PTPRM: variants seen among roughly 807,000 people sequenced by gnomAD.
PTPRM encodes the protein protein tyrosine phosphatase receptor type M, also known as receptor-type tyrosine-protein phosphatase mu.
Under a neutral mutation model 186.7 loss-of-function variants are expected in PTPRM, and 47 were observed. The observed-to-expected ratio is 0.25, with a 90% CI of 0.20 to 0.32. The LOEUF (loss-of-function observed/expected upper bound fraction) is 0.32. Among genes scored for constraint, PTPRM ranks in the 10% least tolerant of loss-of-function variants. The pLI is 1.00. For missense variants in PTPRM, 1,494 were observed against 1,865.0 expected (o/e 0.80, Z 3.66); for synonymous variants, 668 against 674.9 (o/e 0.99, Z 0.16).
Position 8,406,243 on chromosome 18 carries a change from G to T in PTPRM, c.*81G>T. ...ATGGTATTTGTGCAAAAGAGATGAA[G>T]ACTTCTCAATATGCTTATTTTGCTT... is the stretch of plus-strand genomic sequence containing the variant. On this transcript the variant is annotated 3_prime_UTR_variant, in exon 33 of 33. Coordinates refer to ENST00000580170, the MANE Select transcript of PTPRM (RefSeq NM_001105244.2). 1 of 1,322,356 alleles carries T rather than the reference G, an allele frequency of 7.6e-7. No homozygotes were observed. The highest frequency in any genetic ancestry group is 1.5e-5 in the African/African-American group (1 of 68,028). 81.9% of individuals were successfully genotyped at this position (1,322,356 alleles called of 1,614,324 possible). A position where few individuals can be genotyped will look rare whatever the true frequency, so the allele number is the denominator to read the frequency against.
intron 7 of PTPRM, among the ~76,000 whole-genome samples, chr18:8,024,915 C>T (rs2085474123): frequency 1.3e-5 from 2 of 151,992 alleles, no homozygotes; most frequent in Non-Finnish European, 2.9e-5. Flanking sequence ...AACTCCTGGA[C>T]TCAACCCATC....
intron 14 of PTPRM, among the ~76,000 whole-genome samples, chr18:8,153,749 C>T (rs1234083429): frequency 6.6e-6 from 1 of 152,144 alleles, no homozygotes; most frequent in Non-Finnish European, 1.5e-5. Flanking sequence ...TAAAGCATAA[C>T]ATTAATCATA....
chr18:8,074,770 T>C (rs1326693867), intron 8 of PTPRM, among the ~76,000 whole-genome samples: 2 of 152,196 alleles, frequency 1.3e-5, no homozygotes, highest in Non-Finnish European at 2.9e-5. Context: ...TATTATTGGG[T>C]TTTAATATTG....
chr18:7,932,657 CAGATTTA>C (rs1211101506), intron 5 of PTPRM, among the ~76,000 whole-genome samples: 78 of 152,196 alleles, frequency 5.1e-4, no homozygotes, highest in African/African-American at 1.8e-3. Flanking sequence ...CTGATAGTCT[CAGATTTA>C]CTGTGATTTA....
chr18:8,079,463 CA>C (rs1336414315), intron 9 of PTPRM, among the ~76,000 whole-genome samples: 3 of 152,138 alleles, frequency 2.0e-5, no homozygotes, highest in Non-Finnish European at 4.4e-5. Context: ...TTTTACTTTT[CA>C]AATGTAACTA....
chr18:7,991,412 C>T (rs1376135638), intron 7 of PTPRM, among the ~76,000 whole-genome samples: 1 of 151,846 alleles, frequency 6.6e-6, no homozygotes, highest in Non-Finnish European at 1.5e-5. Context: ...AGAAGGAAAG[C>T]TAAAAGAAGG....
intron 2 of PTPRM, among the ~76,000 whole-genome samples, chr18:7,792,644 CAA>C (rs1204500961): frequency 2.0e-5 from 3 of 152,008 alleles, no homozygotes; most frequent in East Asian, 3.9e-4. Context: ...TTTAAATTAA[CAA>C]AAGTGTTTTT....
In PTPRM at chr18:7,567,869, T is replaced by A. The variant is rs1026804595; in HGVS notation, c.51T>A (p.Thr17=). 3 of 1,561,362 alleles carry A rather than the reference T, an allele frequency of 1.9e-6. No individual in the cohort carries two copies. The African/African-American group carries it at 4.3e-5, about 22-fold the overall frequency. ...CGACTTTGGCCGGACTTTTGCTAAC[T>A]GCGGCGGGCGAGACGTTCTCAGGTA... ...CLATLAGLLL[T]AAGETFSGGC... The change falls in exon 1 of 33, where the codon ACT becomes ACA. Residue 17 remains threonine (T), a synonymous_variant. Transcript: ENST00000580170. This position sits in a 1 kb window ranked among gnomAD's most constrained non-coding sequence, Gnocchi z 4.3.
chr18:7,852,935 A>G (rs1376640634), intron 2 of PTPRM, among the ~76,000 whole-genome samples: 2 of 152,218 alleles, frequency 1.3e-5, no homozygotes, highest in Non-Finnish European at 2.9e-5. Context: ...ACATAGCTGA[A>G]CTAAACTGTT....
At chr18:7,985,047 AAT>A (rs1170453459) in intron 7 of PTPRM, among the ~76,000 whole-genome samples, 1 of 127,312 alleles carries the variant, frequency 7.9e-6, no homozygotes, top group East Asian at 2.2e-4. Flanking sequence ...ATATACATAT[AAT>A]TATATATACA....
intron 7 of PTPRM, among the ~76,000 whole-genome samples, chr18:8,001,114 G>A (rs2083846573): frequency 6.6e-6 from 1 of 152,166 alleles, no homozygotes; most frequent in Non-Finnish European, 1.5e-5. Context: ...AGGGTAACAT[G>A]CTACATTCAG....
At chr18:8,174,208 TC>T (rs1225850433) in intron 14 of PTPRM, among the ~76,000 whole-genome samples, 1 of 152,144 alleles carries the variant, frequency 6.6e-6, no homozygotes, top group Non-Finnish European at 1.5e-5. Context: ...TGGCTCTTCA[TC>T]CCCCTAACCT....
At chr18:8,394,802 C>T (rs111936071) in intron 32 of PTPRM, among the ~76,000 whole-genome samples, 191 bp downstream of exon 32, 15 of 152,296 alleles carry the variant, frequency 9.8e-5, no homozygotes, top group African/African-American at 3.6e-4. Context: ...GTTCTTCACA[C>T]GGAGACTTTG....
chr18:7,633,110 A>G (rs2038229603), intron 1 of PTPRM, among the ~76,000 whole-genome samples: 1 of 152,188 alleles, frequency 6.6e-6, no homozygotes, highest in African/African-American at 2.4e-5. Flanking sequence ...CATTCATTTC[A>G]GAGTGCCATG....
intron 1 of PTPRM, among the ~76,000 whole-genome samples, chr18:7,736,414 G>A (rs942050484): frequency 1.3e-5 from 2 of 152,002 alleles, no homozygotes; most frequent in African/African-American, 4.8e-5. Context: ...CCGCCTTCTG[G>A]GCTCAAGCAA....
At chr18:7,852,692 A>C (rs1357877434) in intron 2 of PTPRM, among the ~76,000 whole-genome samples, 1 of 151,812 alleles carries the variant, frequency 6.6e-6, no homozygotes, top group Non-Finnish European at 1.5e-5. Flanking sequence ...CTCAAAAATA[A>C]AAAAAAGAAA....
At chr18:8,244,265 A>G in intron 15 of PTPRM, 56 bp downstream of exon 15, 6 of 1,367,052 alleles carry the variant, frequency 4.4e-6, no homozygotes, top group Non-Finnish European at 5.8e-6. Flanking sequence ...GCAAGATTCC[A>G]GGTGGTACTA....
Position 8,285,164 on chromosome 18 carries a change from C to T in PTPRM, c.2755-11204C>T, listed in dbSNP as rs147409001. The stretch of plus-strand genomic sequence containing the variant: ...TTCAGTGGCACTTTATATATGCAAG[C>T]CAACATGGTTTTTTCCACTGACATT... On this transcript the variant is annotated intron_variant, in intron 19 of 32. Coordinates refer to ENST00000580170, the MANE Select transcript of PTPRM (RefSeq NM_001105244.2). Among the ~76,000 whole-genome samples, 6 of 152,304 alleles carry T rather than the reference C, an allele frequency of 3.9e-5. 1 individual carries two copies. In the East Asian group the frequency reaches 1.2e-3, roughly 29 times the overall value.
intron 2 of PTPRM, among the ~76,000 whole-genome samples, chr18:7,820,972 C>A (rs546799505): frequency 2.4e-4 from 37 of 152,244 alleles, no homozygotes; most frequent in African/African-American, 8.9e-4. Flanking sequence ...TCAGCTGCCC[C>A]CCAAGGACTG....
Sources: allele counts gnomAD v4.1 joint callset (sites outside exome capture counted in the v4.1 genomes callset), GRCh38; gene constraint gnomAD v4.1.1; non-coding constraint Gnocchi (gnomAD v3.1); transcripts MANE v1.5; gene names NCBI Gene and HGNC (gene_info 2026-07-23, HGNC 2026-07-21).